The following NTM variants were observed in gnomAD, a reference collection of about 807,000 sequenced individuals.
NTM encodes the protein IgLON family member 2.
Under a neutral mutation model 42.1 loss-of-function variants are expected in NTM, and 13 were observed. That is an observed-to-expected ratio of 0.31 (90% CI 0.20 to 0.49). The LOEUF is 0.49. Among genes scored for constraint, NTM ranks in the 20% least tolerant of loss-of-function variants. NTM has a pLI of 0.99. For missense variants in NTM, 373 were observed against 452.8 expected (o/e 0.82, Z 1.60); for synonymous variants, 187 against 179.2 (o/e 1.04, Z -0.35).
intron 4 of NTM, among the ~76,000 whole-genome samples, chr11:132,279,408 G>T (rs962544690): frequency 6.6e-5 from 10 of 152,138 alleles, no homozygotes; most frequent in South Asian, 6.2e-4. Context: ...TGTGACTCTC[G>T]CTCCAATCTT....
intron 1 of NTM, among the ~76,000 whole-genome samples, chr11:131,474,360 C>T (rs927051916): frequency 4.6e-5 from 7 of 152,028 alleles, no homozygotes; most frequent in African/African-American, 9.7e-5. Context: ...TGTAGCTCAC[C>T]TCTTGCTCTA....
chr11:131,492,736 G>T (rs1213271077), intron 1 of NTM, among the ~76,000 whole-genome samples: 1 of 152,164 alleles, frequency 6.6e-6, no homozygotes, highest in Non-Finnish European at 1.5e-5. Context: ...TGAAAAAAAT[G>T]GGACCAGATG....
In NTM at chr11:131,575,786, G is replaced by A. The variant is rs2458771; in HGVS notation, c.82+204898G>A. ...GTGCAGATGATTTTTCACCTGCAGC[G>A]CTTGGATGGCATTTACCTCTAACGA... On this transcript the variant is annotated intron_variant, in intron 1 of 8. Transcript: ENST00000683400. 4.6e-5 allele frequency among the ~76,000 whole-genome samples: 7 copies of A among 152,006 alleles called. No individual in the cohort carries two copies. The South Asian group carries it at 6.2e-4, about 14-fold the overall frequency.
intron 2 of NTM, among the ~76,000 whole-genome samples, chr11:131,970,549 G>A (rs984005853): frequency 6.6e-6 from 1 of 152,206 alleles, no homozygotes; most frequent in African/African-American, 2.4e-5. Flanking sequence ...GAGGCAGCAG[G>A]TACAGTTAAA....
rs531662052 is a variant in NTM at position 131,746,326 on chromosome 11, G to A, written c.83-165238G>A. Among the ~76,000 whole-genome samples the A allele has an allele frequency of 2.5e-3, 385 of 152,270 alleles. 3 individuals are homozygous for A. The highest frequency in any genetic ancestry group is 8.8e-3 in the African/African-American group (365 of 41,550). ...TGCTGGCGGGATTTGGACGCATGCT[G>A]TGCCGCTCTTTTTCAACGCCGGAAA... is the stretch of plus-strand genomic sequence containing the variant. On this transcript the variant is annotated intron_variant, in intron 1 of 8. Coordinates refer to ENST00000683400, the MANE Select transcript of NTM (RefSeq NM_001352005.2).
intron 4 of NTM, among the ~76,000 whole-genome samples, chr11:132,231,658 T>C (rs2087583629): frequency 5.3e-5 from 8 of 152,224 alleles, no homozygotes; most frequent in Admixed American, 4.6e-4. Flanking sequence ...AACTGTGATA[T>C]GTTTTTCGTC....
chr11:131,690,188 A>G (rs2074477613), intron 1 of NTM, among the ~76,000 whole-genome samples: 1 of 152,162 alleles, frequency 6.6e-6, no homozygotes, highest in South Asian at 2.1e-4. Flanking sequence ...GAGAGGAGAG[A>G]AAAGTATGAC....
intron 1 of NTM, among the ~76,000 whole-genome samples, chr11:131,862,000 T>C (rs1436616422): frequency 1.3e-5 from 2 of 152,212 alleles, no homozygotes; most frequent in East Asian, 3.9e-4. Context: ...TGACTCTTCG[T>C]TGGCTGCTCT....
chr11:132,098,967 G>A (rs1173738740), intron 2 of NTM, among the ~76,000 whole-genome samples: 1 of 152,168 alleles, frequency 6.6e-6, no homozygotes, highest in Non-Finnish European at 1.5e-5. Flanking sequence ...TGTTTAATCG[G>A]GAGCGATAGT....
intron 1 of NTM, among the ~76,000 whole-genome samples, chr11:131,434,372 C>T (rs1461674661): frequency 2.6e-5 from 4 of 152,204 alleles, no homozygotes; most frequent in Admixed American, 2.6e-4. Context: ...CACTGTCTTC[C>T]ACAATGGCTG....
chr11:131,982,901 C>T (rs1365416266), intron 2 of NTM, among the ~76,000 whole-genome samples: 2 of 152,136 alleles, frequency 1.3e-5, no homozygotes, highest in Non-Finnish European at 2.9e-5. Flanking sequence ...CTTTCAGGAT[C>T]AAATGGCTTA....
chr11:131,737,746 T>C (rs759137974), intron 1 of NTM, among the ~76,000 whole-genome samples: 1 of 152,112 alleles, frequency 6.6e-6, no homozygotes, highest in Non-Finnish European at 1.5e-5. Context: ...TCTTGATTTC[T>C]GCCCTGGAGT....
chr11:132,014,349 A>AAC, intron 2 of NTM, among the ~76,000 whole-genome samples: 1 of 152,116 alleles, frequency 6.6e-6, no homozygotes, highest in African/African-American at 2.4e-5. Flanking sequence ...TGCTGCGGTA[A>AAC]ATGCGGGTGC....
chr11:131,972,452 C>A (rs549029936), intron 2 of NTM, among the ~76,000 whole-genome samples: 4 of 152,148 alleles, frequency 2.6e-5, no homozygotes, highest in African/African-American at 9.6e-5. Flanking sequence ...AAGATGAAGT[C>A]TATCTTACAT....
At chr11:131,446,122 C>G (rs1471498779) in intron 1 of NTM, among the ~76,000 whole-genome samples, 1 of 152,192 alleles carries the variant, frequency 6.6e-6, no homozygotes, top group East Asian at 1.9e-4. Flanking sequence ...ACCCAATTCC[C>G]CAAGCCTACT....
intron 1 of NTM, among the ~76,000 whole-genome samples, chr11:131,873,676 T>C (rs576489894): frequency 8.9e-5 from 10 of 112,548 alleles, no homozygotes; most frequent in South Asian, 5.2e-4. Context: ...CATATATATA[T>C]ACACACATAT....
At chr11:131,379,677 T>C (rs1942406969) in intron 1 of NTM, among the ~76,000 whole-genome samples, 1 of 152,248 alleles carries the variant, frequency 6.6e-6, no homozygotes, top group Non-Finnish European at 1.5e-5. Flanking sequence ...TACCTAATTC[T>C]ACTACCCACA....
chr11:131,767,930 G>A (rs887228467), intron 1 of NTM, among the ~76,000 whole-genome samples: 5 of 152,144 alleles, frequency 3.3e-5, no homozygotes, highest in African/African-American at 1.2e-4. Context: ...AGGACCAATG[G>A]GATGGGGAGT....
intron 1 of NTM, among the ~76,000 whole-genome samples, chr11:131,864,722 G>T (rs556966826): frequency 6.6e-6 from 1 of 152,312 alleles, no homozygotes; most frequent in East Asian, 1.9e-4. Context: ...GTTTCCCTAT[G>T]TGCCACCTCT....
Sources: gnomAD v4.1 joint callset for allele counts (sites outside exome capture counted in the v4.1 genomes callset) on GRCh38, gnomAD v4.1.1 for gene constraint, MANE v1.5 for transcripts, NCBI Gene and HGNC (gene_info 2026-07-23, HGNC 2026-07-21) for gene names.